The following ATF7IP variants were observed in gnomAD, a reference collection of about 807,000 sequenced individuals.
ATF7IP encodes activating transcription factor 7 interacting protein.
A neutral mutation model predicts 106.4 loss-of-function variants in ATF7IP; 23 were observed. That is an observed-to-expected ratio of 0.22 (90% CI 0.16 to 0.31). The LOEUF is 0.31. ATF7IP is among the 10% of genes least tolerant of loss of function. The pLI is 1.00. For synonymous variants in ATF7IP, 542 were observed against 539.0 expected, an observed-to-expected ratio of 1.01 and a Z score of -0.08; for missense variants, 1,334 against 1,524.3, an observed-to-expected ratio of 0.88 and a Z score of 2.08.
chr12:14,456,741 G>A, intron 7 of ATF7IP, 107 bp downstream of exon 7: 1 of 773,750 alleles, frequency 1.3e-6, no homozygotes, highest in Non-Finnish European at 2.1e-6. Flanking sequence ...GTAGAAATAA[G>A]TGTTTGGTGT....
At chr12:14,385,028 T>A in intron 1 of ATF7IP, 1 of 204,674 alleles carries the variant, frequency 4.9e-6, no homozygotes, top group Non-Finnish European at 9.8e-6. Flanking sequence ...TTTCAAGTTG[T>A]TTGGGATCTG....
At chr12:14,468,095 C>T (rs1943897971) in intron 10 of ATF7IP, among the ~76,000 whole-genome samples, 1 of 151,582 alleles carries the variant, frequency 6.6e-6, no homozygotes, top group Non-Finnish European at 1.5e-5. Flanking sequence ...GGGGAAACCG[C>T]AACTCTACTA....
At chr12:14,453,490 G>A (rs1312209301) in intron 6 of ATF7IP, among the ~76,000 whole-genome samples, 1 of 152,010 alleles carries the variant, frequency 6.6e-6, no homozygotes, top group Non-Finnish European at 1.5e-5. Context: ...TTTCATTTCA[G>A]TGTATTCTTC....
At chr12:14,419,722 C>A (rs916878151) in intron 1 of ATF7IP, among the ~76,000 whole-genome samples, 1 of 151,652 alleles carries the variant, frequency 6.6e-6, no homozygotes, top group Non-Finnish European at 1.5e-5. Context: ...AATTAAAAAC[C>A]CTTAACATAA....
rs1311521844 is a variant in ATF7IP at position 14,494,315 on chromosome 12, ATATATATATATATATATATG to A, written c.3281-1914_3281-1895del. ...TATATATATATATATATATATATAT[ATATATATATATATATATATG>A]TGTGTGTGTATATGTATATATACAC... On this transcript the variant is annotated intron_variant, in intron 13 of 14. Coordinates refer to ENST00000261168, the MANE Select transcript of ATF7IP (RefSeq NM_018179.5). Among the ~76,000 whole-genome samples the A allele has an allele frequency of 6.4e-5, 6 of 93,114 alleles. 1 individual carries two copies. The highest frequency in any genetic ancestry group is 1.4e-4 in the African/African-American group (3 of 20,812). 61.1% of individuals were successfully genotyped at this position (93,114 alleles called of 152,430 possible).
At chr12:14,415,838 TTAAAG>T (rs1941174860) in intron 1 of ATF7IP, among the ~76,000 whole-genome samples, 1 of 152,152 alleles carries the variant, frequency 6.6e-6, no homozygotes, top group Non-Finnish European at 1.5e-5. Flanking sequence ...TAAAGATAAT[TTAAAG>T]TATACAGCAA....
rs1945183234 is a variant in ATF7IP, at chr12:14,502,382, G to A, written c.*4309G>A. 6.6e-6 allele frequency: 1 copy of A among 152,034 alleles called. No individual in the cohort carries two copies. Among genetic ancestry groups the A allele is most frequent in the Non-Finnish European group, 1.5e-5 (1 of 68,004 alleles). The allele number at this position is 152,034 out of a possible 1,614,324, so 9.4% of individuals were successfully genotyped here. ...TCCCCTTGAGCCAGCCAATGGGGAG[G>A]AATAGGATAATGCAAACACATGTTT... On this transcript the variant is annotated 3_prime_UTR_variant, in exon 15 of 15. Coordinates refer to ENST00000261168, the MANE Select transcript of ATF7IP (RefSeq NM_018179.5).
chr12:14,369,086 TG>T (rs1938424335), intron 1 of ATF7IP: 1 of 151,070 alleles, frequency 6.6e-6, no homozygotes, highest in African/African-American at 2.4e-5. Context: ...CTGAGACTAC[TG>T]GTGAAGGATA....
chr12:14,494,326 TATATA>T (rs1944933226), intron 13 of ATF7IP, among the ~76,000 whole-genome samples: 1 of 109,882 alleles, frequency 9.1e-6, no homozygotes, highest in Non-Finnish European at 1.9e-5. Context: ...TATATATATA[TATATA>T]TATGTGTGTG....
chr12:14,483,189 T>C (rs922148147), intron 13 of ATF7IP, among the ~76,000 whole-genome samples: 3 of 152,234 alleles, frequency 2.0e-5, no homozygotes, highest in African/African-American at 7.2e-5. Flanking sequence ...TCGTGGTTTA[T>C]TCCTGGTGGA....
At chr12:14,381,928 C>T in intron 1 of ATF7IP, among the ~76,000 whole-genome samples, 1 of 148,994 alleles carries the variant, frequency 6.7e-6, no homozygotes. Flanking sequence ...ATTCTCTGGT[C>T]ATAAAAATTT....
chr12:14,480,938 T>A, intron 12 of ATF7IP, 65 bp from the exon 13 acceptor site: 1 of 1,447,128 alleles, frequency 6.9e-7, no homozygotes, highest in Non-Finnish European at 9.5e-7. Flanking sequence ...ATAACTGCCA[T>A]TTAATACTGT....
At chr12:14,448,364 A>G (rs540288058) in intron 6 of ATF7IP, among the ~76,000 whole-genome samples, 1 of 152,158 alleles carries the variant, frequency 6.6e-6, no homozygotes, top group South Asian at 2.1e-4. Flanking sequence ...AGTTTCTACC[A>G]GTTTTTACAT....
At chr12:14,459,472 A>T (rs1241908556) in intron 8 of ATF7IP, among the ~76,000 whole-genome samples, 1 of 152,212 alleles carries the variant, frequency 6.6e-6, no homozygotes, top group African/African-American at 2.4e-5. Context: ...TAAGCATGTG[A>T]TGAAGAATGC....
chr12:14,467,168 T>G (rs1250451757), intron 10 of ATF7IP, among the ~76,000 whole-genome samples: 1 of 152,124 alleles, frequency 6.6e-6, no homozygotes, highest in African/African-American at 2.4e-5. Context: ...CTTTATGGCT[T>G]TAGGTGTAGT....
At chr12:14,376,499 C>T (rs1938743074) in intron 1 of ATF7IP, among the ~76,000 whole-genome samples, 3 of 152,080 alleles carry the variant, frequency 2.0e-5, no homozygotes, top group African/African-American at 7.2e-5. Flanking sequence ...AAACTATGTC[C>T]ATTTGATAGG....
chr12:14,390,487 A>G (rs952407160), intron 1 of ATF7IP, among the ~76,000 whole-genome samples: 1 of 152,232 alleles, frequency 6.6e-6, no homozygotes, highest in Non-Finnish European at 1.5e-5. Context: ...TTTAAATGTT[A>G]CCGCTGTGTT....
In ATF7IP at chr12:14,367,732, A is replaced by G. The variant is rs530872134; in HGVS notation, c.-8+1905A>G. 1.1e-4 allele frequency among the ~76,000 whole-genome samples: 16 copies of G among 152,216 alleles called. No homozygotes were observed. In the South Asian group the frequency reaches 3.1e-3, roughly 30 times the overall value. On this transcript the variant is annotated intron_variant, in intron 1 of 14. Transcript: ENST00000261168. Reference sequence around the variant, plus strand: ...GTATTTGAAAATGCTCTTGAATATGAAGAACATATTTATTGATGGGACGAT... The same window carrying G: ...GTATTTGAAAATGCTCTTGAATATGGAGAACATATTTATTGATGGGACGAT...
At chr12:14,458,792 G>C (rs1429339319) in intron 8 of ATF7IP, among the ~76,000 whole-genome samples, 2 of 151,512 alleles carry the variant, frequency 1.3e-5, no homozygotes, top group Non-Finnish European at 2.9e-5. Flanking sequence ...CAGTGTACTC[G>C]ATCCTGGGCG....
Sources: allele counts gnomAD v4.1 joint callset (sites outside exome capture counted in the v4.1 genomes callset), GRCh38; gene constraint gnomAD v4.1.1; transcripts MANE v1.5; gene names NCBI Gene and HGNC (gene_info 2026-07-23, HGNC 2026-07-21).